CDK5RAP2: variants seen among roughly 807,000 people sequenced by gnomAD.
CDK5RAP2 encodes CDK5 regulatory subunit-associated protein 2.
A neutral mutation model predicts 232.9 loss-of-function variants in CDK5RAP2; 147 were observed. The observed-to-expected ratio is 0.63, with a 90% CI of 0.55 to 0.72. CDK5RAP2 has a LOEUF of 0.72. Ranked by LOEUF, CDK5RAP2 falls within the 30% of genes least tolerant of loss-of-function variation. CDK5RAP2 has a pLI of 0.00. For missense variants in CDK5RAP2, 2,195 were observed against 2,231.5 expected (o/e 0.98, Z 0.33); for synonymous variants, 833 against 833.7 (o/e 1.00, Z 0.01).
intron 4 of CDK5RAP2, among the ~76,000 whole-genome samples, chr9:120,549,149 C>T (rs2041959829): frequency 1.2e-5 from 1 of 84,974 alleles, no homozygotes; most frequent in Admixed American, 1.4e-4. Flanking sequence ...GACGGAGACT[C>T]TGTCTCAAAA....
intron 12 of CDK5RAP2, among the ~76,000 whole-genome samples, chr9:120,516,656 T>C (rs780548033): frequency 6.6e-6 from 1 of 151,990 alleles, no homozygotes; most frequent in African/African-American, 2.4e-5. Context: ...CCAGACCCTG[T>C]CTCCACAAAA....
At chr9:120,471,278 C>T (rs1051453059) in intron 16 of CDK5RAP2, among the ~76,000 whole-genome samples, 10 of 152,112 alleles carry the variant, frequency 6.6e-5, no homozygotes, top group African/African-American at 2.4e-4. Flanking sequence ...AAACATAAGT[C>T]CCACAGGACC....
At chr9:120,561,393 C>T (rs991996937) in intron 3 of CDK5RAP2, among the ~76,000 whole-genome samples, 1 of 152,230 alleles carries the variant, frequency 6.6e-6, no homozygotes, top group East Asian at 1.9e-4. Context: ...ACCTCCCAGG[C>T]TCAAGCAATC....
At chr9:120,409,020 T>C (rs1263037129) in intron 30 of CDK5RAP2, 107 bp downstream of exon 30, 3 of 1,011,418 alleles carry the variant, frequency 3.0e-6, no homozygotes, top group African/African-American at 1.6e-5. Context: ...GTCTACTGCC[T>C]GCCACTGTGC....
intron 21 of CDK5RAP2, among the ~76,000 whole-genome samples, chr9:120,450,871 G>C (rs890363856): frequency 6.6e-6 from 1 of 152,232 alleles, no homozygotes; most frequent in East Asian, 1.9e-4. Context: ...GCTCAGTTCG[G>C]AAAAGTGAGA....
chr9:120,473,596 C>A (rs1425143724), intron 15 of CDK5RAP2, among the ~76,000 whole-genome samples: 1 of 152,212 alleles, frequency 6.6e-6, no homozygotes, highest in Non-Finnish European at 1.5e-5. Flanking sequence ...GAGGACAGTT[C>A]ATTGTGAAGC....
intron 20 of CDK5RAP2, among the ~76,000 whole-genome samples, chr9:120,454,521 A>G: frequency 6.6e-6 from 1 of 152,276 alleles, no homozygotes; most frequent in Non-Finnish European, 1.5e-5. Context: ...TAAACAAGAT[A>G]GTGTATAGGC....
intron 28 of CDK5RAP2, among the ~76,000 whole-genome samples, chr9:120,413,582 G>T (rs1372062394): frequency 6.6e-6 from 1 of 152,208 alleles, no homozygotes; most frequent in Non-Finnish European, 1.5e-5. Context: ...CAGAGCAATT[G>T]TCTGCTCCAT....
At chr9:120,474,061 C>A (rs2037870170) in intron 15 of CDK5RAP2, among the ~76,000 whole-genome samples, 1 of 152,176 alleles carries the variant, frequency 6.6e-6, no homozygotes. Context: ...AGCACGCCAC[C>A]ACTACTGGGC....
Position 120,419,831 on chromosome 9 carries a change from A to AT in CDK5RAP2, c.4133dup (p.Asn1378LysfsTer2), listed in dbSNP as rs1245634151. 4 of 1,613,902 alleles carry AT rather than the reference A, an allele frequency of 2.5e-6. No homozygotes were observed. The highest frequency in any genetic ancestry group is 3.4e-6 in the Non-Finnish European group (4 of 1,179,906). On this transcript the variant is annotated frameshift_variant, in exon 27 of 38. Coordinates refer to ENST00000349780, the MANE Select transcript of CDK5RAP2 (RefSeq NM_018249.6). LOFTEE classifies it high-confidence loss of function. ...CCATAACTGAAGTCTTCTCTGTCTC[A>AT]TTATCTTGCTTCTGGTCTCGTGAGA...
At chr9:120,487,467 T>C (rs1374406152) in intron 13 of CDK5RAP2, 30 bp from the exon 14 acceptor site, 2 of 1,538,748 alleles carry the variant, frequency 1.3e-6, no homozygotes, top group East Asian at 2.3e-5. Context: ...TCTAAGGAAA[T>C]TGTCATCAAG....
intron 13 of CDK5RAP2, among the ~76,000 whole-genome samples, chr9:120,489,814 T>TC (rs1005115895): frequency 1.3e-4 from 20 of 151,432 alleles, no homozygotes; most frequent in African/African-American, 4.8e-5. Context: ...CTTTCCTTTT[T>TC]TTTTTTTTTT....
chr9:120,527,446 C>A (rs74718811), intron 10 of CDK5RAP2, among the ~76,000 whole-genome samples: 4,266 of 148,544 alleles, frequency 0.029, 96 homozygotes, highest in Non-Finnish European at 0.042. Context: ...ATGCTTAGTT[C>A]TGAAAAAAAA....
At chr9:120,397,346 T>C (rs1341241115) in intron 35 of CDK5RAP2, among the ~76,000 whole-genome samples, 1 of 151,894 alleles carries the variant, frequency 6.6e-6, no homozygotes, top group Non-Finnish European at 1.5e-5. Flanking sequence ...GAAACCAACC[T>C]TAGAATCCAA....
At chr9:120,501,184 A>G (rs978428131) in intron 12 of CDK5RAP2, among the ~76,000 whole-genome samples, 4 of 152,140 alleles carry the variant, frequency 2.6e-5, no homozygotes, top group African/African-American at 9.7e-5. Flanking sequence ...TGCTCCAGCA[A>G]CCCTGGCTGT....
At chr9:120,512,502 A>G (rs997875411) in intron 12 of CDK5RAP2, among the ~76,000 whole-genome samples, 9 of 152,226 alleles carry the variant, frequency 5.9e-5, no homozygotes, top group African/African-American at 1.7e-4. Flanking sequence ...AAAGGAACAA[A>G]TTACAATGTT....
chr9:120,573,350 A>C (rs1267761297), intron 1 of CDK5RAP2, among the ~76,000 whole-genome samples: 1 of 152,188 alleles, frequency 6.6e-6, no homozygotes, highest in East Asian at 1.9e-4. Flanking sequence ...GGAGTTCGAG[A>C]CCAGCCTGGC....
chr9:120,474,139 C>A (rs749666574), intron 15 of CDK5RAP2, among the ~76,000 whole-genome samples: 6 of 152,180 alleles, frequency 3.9e-5, no homozygotes, highest in East Asian at 3.9e-4. Flanking sequence ...CTTTGCTTTG[C>A]GATTGTGTTG....
At chr9:120,543,388 G>A (rs768095741) in intron 5 of CDK5RAP2, among the ~76,000 whole-genome samples, 2 of 152,194 alleles carry the variant, frequency 1.3e-5, no homozygotes, top group African/African-American at 2.4e-5. Flanking sequence ...TTAAGATAAA[G>A]ATCAAAATCT....
Sources: gnomAD v4.1 joint callset for allele counts (sites outside exome capture counted in the v4.1 genomes callset) on GRCh38, gnomAD v4.1.1 for gene constraint, MANE v1.5 for transcripts, NCBI Gene and HGNC (gene_info 2026-07-23, HGNC 2026-07-21) for gene names.